The following DOCK2 variants were observed in gnomAD, a reference collection of about 807,000 sequenced individuals.
The protein encoded by DOCK2 is dedicator of cytokinesis protein 2.
A neutral mutation model predicts 248.9 loss-of-function variants in DOCK2; 87 were observed. The observed-to-expected ratio is 0.35, with a 90% confidence interval of 0.29 to 0.42. The LOEUF (loss-of-function observed/expected upper bound fraction) is 0.42, where lower values mean the gene tolerates loss of function less well. DOCK2 is among the 10% of genes least tolerant of loss of function. DOCK2 has a pLI of 1.00. For synonymous variants in DOCK2, 805 were observed against 821.6 expected, an observed-to-expected ratio of 0.98 and a Z score of 0.35; for missense variants, 1,747 against 2,300.2, an observed-to-expected ratio of 0.76 and a Z score of 4.92.
At chr5:169,725,446 A>G (rs1238173603) in intron 22 of DOCK2, among the ~76,000 whole-genome samples, 1 of 152,128 alleles carries the variant, frequency 6.6e-6, no homozygotes, top group Non-Finnish European at 1.5e-5. Flanking sequence ...CCTGATTATA[A>G]CATGAAATTG....
At chr5:169,903,686 A>T (rs933290298) in intron 27 of DOCK2, among the ~76,000 whole-genome samples, 6 of 152,066 alleles carry the variant, frequency 3.9e-5, no homozygotes, top group Non-Finnish European at 7.4e-5. Context: ...TAGAGGGTCG[A>T]ACTTACTCGG....
intron 27 of DOCK2, among the ~76,000 whole-genome samples, chr5:169,911,202 A>G (rs931577807): frequency 6.6e-6 from 1 of 152,198 alleles, no homozygotes; most frequent in Non-Finnish European, 1.5e-5. Flanking sequence ...CAGGTCAGGT[A>G]TGTGCTGTGC....
At chr5:169,894,284 A>AGATCAGAG (rs1169552502) in intron 27 of DOCK2, among the ~76,000 whole-genome samples, 1 of 152,220 alleles carries the variant, frequency 6.6e-6, no homozygotes, top group Admixed American at 6.5e-5. Context: ...AAATTTCATT[A>AGATCAGAG]GATCAGAGAG....
intron 32 of DOCK2, among the ~76,000 whole-genome samples, chr5:170,018,434 C>T (rs1013778418): frequency 6.6e-6 from 1 of 152,136 alleles, no homozygotes; most frequent in East Asian, 1.9e-4. Flanking sequence ...GCAGAAGAGA[C>T]GAGAAGTTGT....
At chr5:169,694,965 G>C (rs1256768070) in intron 9 of DOCK2, among the ~76,000 whole-genome samples, 1 of 152,120 alleles carries the variant, frequency 6.6e-6, no homozygotes, top group East Asian at 1.9e-4. Flanking sequence ...ACAGAGTGAA[G>C]CCCTGTCTCA....
intron 27 of DOCK2, among the ~76,000 whole-genome samples, chr5:169,899,987 T>C (rs1009285879): frequency 1.3e-5 from 2 of 152,204 alleles, no homozygotes; most frequent in African/African-American, 4.8e-5. Context: ...AACTGTCCAT[T>C]GTATTCACTT....
intron 46 of DOCK2, 38 bp downstream of exon 46, chr5:170,069,258 T>C (rs778986771): frequency 1.2e-6 from 2 of 1,605,308 alleles, no homozygotes; most frequent in Admixed American, 3.4e-5. Flanking sequence ...GCTGCTCTCC[T>C]TCCTCTCCCC....
chr5:169,905,558 C>T (rs1417889975), intron 27 of DOCK2, among the ~76,000 whole-genome samples: 1 of 152,184 alleles, frequency 6.6e-6, no homozygotes, highest in Non-Finnish European at 1.5e-5. Context: ...CCCCACCTCT[C>T]TGAGGGTAAT....
chr5:169,978,273 C>T lies in DOCK2; in HGVS notation c.2800-4795C>T, dbSNP rs115205071. Among the ~76,000 whole-genome samples the T allele has an allele frequency of 9.6e-3, 1,458 of 151,710 alleles. 25 individuals carry two copies. The highest frequency in any genetic ancestry group is 0.034 in the African/African-American group (1,394 of 41,290). ...GAGGGTTGCATGGGCAGGCAGCACC[C>T]ATGCCCCTCGCCCCTATTTTGTTTG... On this transcript the variant is annotated intron_variant, in intron 27 of 51. Coordinates refer to ENST00000520908, the MANE Select transcript of DOCK2 (RefSeq NM_004946.3).
intron 1 of DOCK2, among the ~76,000 whole-genome samples, chr5:169,653,482 C>T (rs1757918621): frequency 6.6e-6 from 1 of 152,208 alleles, no homozygotes; most frequent in Non-Finnish European, 1.5e-5. Context: ...GTGTGGGCAG[C>T]AGCAGGGCCA....
chr5:169,681,956 G>T, intron 7 of DOCK2, 77 bp downstream of exon 7: 1 of 1,564,912 alleles, frequency 6.4e-7, no homozygotes, highest in Non-Finnish European at 8.7e-7. Context: ...ATGGGCTAAT[G>T]AACCAGACTG....
intron 27 of DOCK2, among the ~76,000 whole-genome samples, chr5:169,865,838 G>A (rs1452369093): frequency 2.0e-5 from 3 of 152,204 alleles, no homozygotes; most frequent in African/African-American, 7.2e-5. Context: ...ACCCAGCAAG[G>A]GCTGGAAAAC....
intron 12 of DOCK2, 51 bp downstream of exon 12, chr5:169,699,509 C>T: frequency 1.3e-6 from 2 of 1,550,220 alleles, no homozygotes; most frequent in Non-Finnish European, 1.8e-6. Flanking sequence ...TTGGGAGCCC[C>T]TAACTCTTCA....
At chr5:169,855,947 T>C (rs1277418947) in intron 27 of DOCK2, among the ~76,000 whole-genome samples, 1 of 152,198 alleles carries the variant, frequency 6.6e-6, no homozygotes, top group Admixed American at 6.5e-5. Flanking sequence ...CTTACAATCA[T>C]GGCAGAAGGC....
At chr5:170,024,062 T>G (rs1004676354) in intron 33 of DOCK2, among the ~76,000 whole-genome samples, 2 of 152,218 alleles carry the variant, frequency 1.3e-5, no homozygotes, top group East Asian at 3.8e-4. Context: ...GGCAGAAGGT[T>G]TGGGCTCCTG....
intron 23 of DOCK2, among the ~76,000 whole-genome samples, chr5:169,758,118 C>T (rs1252250119): frequency 6.6e-6 from 1 of 152,112 alleles, no homozygotes; most frequent in Non-Finnish European, 1.5e-5. Flanking sequence ...AGCCTATGAT[C>T]AGGGGTGGGC....
chr5:169,917,187 CA>C (rs1181951850), intron 27 of DOCK2, among the ~76,000 whole-genome samples: 1 of 152,154 alleles, frequency 6.6e-6, no homozygotes, highest in African/African-American at 2.4e-5. Context: ...GTAGGGATTC[CA>C]GGTGATTCTT....
chr5:169,942,984 G>C (rs1231114038), intron 27 of DOCK2, among the ~76,000 whole-genome samples: 1 of 152,148 alleles, frequency 6.6e-6, no homozygotes, highest in African/African-American at 2.4e-5. Flanking sequence ...TCGTATGCGT[G>C]GGACAAACAT....
chr5:170,031,657 A>G (rs902373862), intron 34 of DOCK2, among the ~76,000 whole-genome samples: 1 of 152,186 alleles, frequency 6.6e-6, no homozygotes, highest in Non-Finnish European at 1.5e-5. Flanking sequence ...CTAGACTGTG[A>G]TCTCCTGGAA....
Sources: gnomAD v4.1 joint callset for allele counts (sites outside exome capture counted in the v4.1 genomes callset) on GRCh38, gnomAD v4.1.1 for gene constraint, MANE v1.5 for transcripts, NCBI Gene and HGNC (gene_info 2026-07-23, HGNC 2026-07-21) for gene names.